Variants in STRN4 observed in about 807,000 individuals in gnomAD.
The protein encoded by STRN4 is striatin 4, also known as striatin-4.
Under a neutral mutation model 77.9 loss-of-function variants are expected in STRN4, and 27 were observed. The ratio of observed to expected loss-of-function variants is 0.35; its 90% CI spans 0.26 to 0.48. The LOEUF is 0.48. Ranked by LOEUF, STRN4 falls within the 20% of genes least tolerant of loss-of-function variation. The probability of loss-of-function intolerance (pLI) is 0.99; values close to 1 mark genes in which losing one functional copy is unlikely to be tolerated. For missense variants in STRN4, 798 were observed against 1,049.7 expected, an observed-to-expected ratio of 0.76 and a Z score of 3.31; for synonymous variants, 466 against 443.1, an observed-to-expected ratio of 1.05 and a Z score of -0.65.
chr19:46,720,837 C>T, intron 16 of STRN4, 66 bp from the exon 17 acceptor site: 1 of 1,468,778 alleles, frequency 6.8e-7, no homozygotes. Context: ...GCCCTGGAAC[C>T]CCTCACCTGG....
chr19:46,726,754 G>A (rs1467869745), intron 9 of STRN4, among the ~76,000 whole-genome samples: 2 of 152,060 alleles, frequency 1.3e-5, no homozygotes, highest in Admixed American at 1.3e-4. Flanking sequence ...CCCAGCTGAC[G>A]TCCCTGCCTT....
chr19:46,727,869 G>A, intron 8 of STRN4, 25 bp downstream of exon 8: 4 of 1,566,618 alleles, frequency 2.6e-6, no homozygotes, highest in Non-Finnish European at 3.5e-6. Flanking sequence ...CGCAGGACTG[G>A]GACCAGGTGG....
chr19:46,722,145 C>T (rs2053992738), intron 15 of STRN4, 73 bp from the exon 16 acceptor site: 7 of 1,601,724 alleles, frequency 4.4e-6, no homozygotes, highest in East Asian at 2.2e-5. Context: ...AAGGACTGGA[C>T]GAGAGACTCC....
At chr19:46,740,538 G>T (rs1012910544) in intron 1 of STRN4, among the ~76,000 whole-genome samples, 14 of 151,718 alleles carry the variant, frequency 9.2e-5, no homozygotes, top group Admixed American at 9.2e-4. Flanking sequence ...TGTGAGGAGA[G>T]GCAGACCGAC....
intron 4 of STRN4, among the ~76,000 whole-genome samples, chr19:46,735,041 C>T (rs1340515377): frequency 6.6e-6 from 1 of 152,086 alleles, no homozygotes; most frequent in Non-Finnish European, 1.5e-5. Context: ...CGCGGTGGCT[C>T]ACACCTGTAA....
Position 46,746,436 on chromosome 19 carries a change from C to A in STRN4, c.-6G>T, listed in dbSNP as rs1307793144. 9.9e-7 allele frequency: 1 copy of A among 1,013,938 alleles called. No homozygotes were observed. The highest frequency in any genetic ancestry group is 1.7e-5 in the African/African-American group (1 of 57,282). The allele number at this position is 1,013,938 out of a possible 1,614,324, so 62.8% of individuals were successfully genotyped here. A position where few individuals can be genotyped will look rare whatever the true frequency, so the allele number is the denominator to read the frequency against. ...GCCGCTCGCTCCTCCATCATGGAGGCCCCGGGGCCGGCCTGCGCGCCCGCT... is the reference window on the plus strand; with the variant it reads ...GCCGCTCGCTCCTCCATCATGGAGGACCCGGGGCCGGCCTGCGCGCCCGCT... On this transcript the variant is annotated 5_prime_UTR_variant, in exon 1 of 18. Transcript: ENST00000263280.
intron 14 of STRN4, among the ~76,000 whole-genome samples, chr19:46,722,567 C>T (rs772242156): frequency 3.3e-5 from 5 of 152,198 alleles, no homozygotes; most frequent in South Asian, 2.1e-4. Flanking sequence ...GAACACATTC[C>T]GCCACTCTAC....
At chr19:46,731,272 G>A (rs901871166) in intron 5 of STRN4, among the ~76,000 whole-genome samples, 12 of 152,192 alleles carry the variant, frequency 7.9e-5, no homozygotes, top group African/African-American at 2.9e-4. Context: ...AGGCAAACAC[G>A]CCCTGCAGGA....
At chr19:46,737,760 C>A (rs1200594727) in intron 3 of STRN4, among the ~76,000 whole-genome samples, 1 of 152,174 alleles carries the variant, frequency 6.6e-6, no homozygotes, top group Non-Finnish European at 1.5e-5. Flanking sequence ...TGATACAAAG[C>A]CTGTACCCTA....
At chr19:46,744,440 G>A (rs2054535498) in intron 1 of STRN4, among the ~76,000 whole-genome samples, 1 of 152,164 alleles carries the variant, frequency 6.6e-6, no homozygotes, top group African/African-American at 2.4e-5. Flanking sequence ...CTGGAGTGCA[G>A]TGGTGCAATC....
At chr19:46,724,260 A>T (rs557826504) in intron 12 of STRN4, among the ~76,000 whole-genome samples, 1 of 100,354 alleles carries the variant, frequency 1.0e-5, no homozygotes, top group East Asian at 1.9e-4. Context: ...AAAAAAAAAA[A>T]AAAAAAAAAA....
chr19:46,729,834 C>T (rs1305240199), intron 6 of STRN4, among the ~76,000 whole-genome samples: 1 of 152,222 alleles, frequency 6.6e-6, no homozygotes, highest in Non-Finnish European at 1.5e-5. Context: ...CGGAGGGACT[C>T]AGCCCCATCT....
rs2053988302 is a variant in STRN4, at chr19:46,721,998, G to A, written c.2080C>T (p.Leu694=). 1 of 1,613,776 alleles carries A rather than the reference G, an allele frequency of 6.2e-7. No individual in the cohort carries two copies. The highest frequency in any genetic ancestry group is 1.1e-5 in the South Asian group (1 of 91,082). The change falls in exon 16 of 18, where the codon CTG becomes TTG. Residue 694 remains leucine (L), a synonymous_variant. Coordinates refer to ENST00000263280, the MANE Select transcript of STRN4 (RefSeq NM_013403.3). The part of the protein sequence containing the change: ...CLAVDPNGAF[L]MSGSHDCSLR... The stretch of plus-strand genomic sequence containing the variant: ...GTGCTCAACTTACTTCCTGACATCA[G>A]GAATGCGCCGTTGGGGTCCACGGCT...
In STRN4 at chr19:46,722,322, T is replaced by TG. The variant is rs1200713729; in HGVS notation, c.1924dup (p.Gln642ProfsTer29). Reference sequence around the variant, plus strand: ...AGGCTGGTTTGGATGACTCACCACTTGGTTGATCTGGGTTGGACCTGAAGG... The same window carrying TG: ...AGGCTGGTTTGGATGACTCACCACTTGGGTTGATCTGGGTTGGACCTGAAGG... On this transcript the variant is annotated frameshift_variant, in exon 15 of 18. Transcript: ENST00000263280. LOFTEE classifies it high-confidence loss of function. 6.2e-7 allele frequency: 1 copy of TG among 1,613,980 alleles called. No homozygotes were observed. The highest frequency in any genetic ancestry group is 1.1e-5 in the South Asian group (1 of 91,076).
At chr19:46,730,071 T>C (rs910712698) in intron 6 of STRN4, among the ~76,000 whole-genome samples, 4 of 151,034 alleles carry the variant, frequency 2.6e-5, no homozygotes, top group Non-Finnish European at 5.9e-5. Context: ...GGTGGAGGGG[T>C]GGAAAAGGAC....
chr19:46,722,457 G>A, intron 14 of STRN4, 117 bp from the exon 15 acceptor site: 1 of 1,142,852 alleles, frequency 8.8e-7, no homozygotes, highest in Non-Finnish European at 1.3e-6. Context: ...ATGTCGAGGG[G>A]GGCTGGGCGA....
chr19:46,730,791 C>G lies in STRN4; in HGVS notation c.820G>C (p.Glu274Gln), dbSNP rs747459317. 2 of 1,612,922 alleles carry G rather than the reference C, an allele frequency of 1.2e-6. No individual in the cohort carries two copies. Among genetic ancestry groups the G allele is most frequent in the Admixed American group, 1.7e-5 (1 of 60,008 alleles). ...AGCTCATCGTCCTCGTCGCTGTCTTCGTCCTCGCAGTTCTGCAGGAAGGGG... is the reference window on the plus strand; with the variant it reads ...AGCTCATCGTCCTCGTCGCTGTCTTGGTCCTCGCAGTTCTGCAGGAAGGGG... ...QIPFLQNCED[E>Q]DSDEDDELDS... The change falls in exon 6 of 18, where the codon GAA becomes CAA. Residue 274 changes from glutamate (E) to glutamine (Q), a missense_variant. By Grantham distance (29) the Glu-to-Gln change is conservative. Coordinates refer to ENST00000263280, the MANE Select transcript of STRN4 (RefSeq NM_013403.3).
At chr19:46,725,671 C>T in intron 9 of STRN4, 23 bp from the exon 10 acceptor site, 1 of 1,610,142 alleles carries the variant, frequency 6.2e-7, no homozygotes, top group Non-Finnish European at 8.5e-7. Context: ...GGAGCTGCCT[C>T]AGTGTCTTCG....
At chr19:46,744,865 C>T (rs145275686) in intron 1 of STRN4, among the ~76,000 whole-genome samples, 11 of 152,120 alleles carry the variant, frequency 7.2e-5, no homozygotes, top group Admixed American at 5.2e-4. Context: ...CCTTCAAATC[C>T]GGACATCTCC....
Sources: allele counts gnomAD v4.1 joint callset (sites outside exome capture counted in the v4.1 genomes callset), GRCh38; gene constraint gnomAD v4.1.1; transcripts MANE v1.5; gene names NCBI Gene and HGNC (gene_info 2026-07-23, HGNC 2026-07-21).